The following ADGB variants were observed in gnomAD, a reference collection of about 807,000 sequenced individuals.
ADGB encodes calpain-7-like protein.
A neutral mutation model predicts 210.5 loss-of-function variants in ADGB; 172 were observed. The observed-to-expected ratio is 0.82, with a 90% CI of 0.72 to 0.93. The LOEUF is 0.93. ADGB is among the 40% of genes least tolerant of loss of function. ADGB has a pLI of 0.00. For synonymous variants in ADGB, 658 were observed against 662.7 expected (o/e 0.99, Z 0.11); for missense variants, 2,025 against 1,964.8 (o/e 1.03, Z -0.58).
At chr6:146,746,901 C>T (rs912182876) in intron 26 of ADGB, among the ~76,000 whole-genome samples, 5 of 152,032 alleles carry the variant, frequency 3.3e-5, no homozygotes, top group African/African-American at 1.2e-4. Context: ...TTCCTCTTGT[C>T]CCATGTGTCC....
intron 27 of ADGB, among the ~76,000 whole-genome samples, chr6:146,756,701 AC>A (rs1777410705): frequency 6.6e-6 from 1 of 151,372 alleles, no homozygotes; most frequent in Admixed American, 6.6e-5. Context: ...AAATAGTACT[AC>A]CCACTCGACA....
In ADGB at chr6:146,770,607, C is replaced by A. The variant is rs1173670835; in HGVS notation, c.3862+1476C>A. The A allele has an allele frequency of 8.5e-6, 4 of 469,960 alleles. No individual in the cohort carries two copies. The Admixed American group carries it at 9.4e-5, about 11-fold the overall frequency. 29.1% of individuals were successfully genotyped at this position (469,960 alleles called of 1,614,324 possible). The stretch of plus-strand genomic sequence containing the variant: ...CATGAACATGCCACACCAGTGACCT[C>A]AGGTATGTGTAAATCCTAATGGCAT... On this transcript the variant is annotated intron_variant, in intron 29 of 35. Transcript: ENST00000397944.
intron 5 of ADGB, among the ~76,000 whole-genome samples, chr6:146,663,664 A>G (rs1420876479): frequency 6.6e-6 from 1 of 151,942 alleles, no homozygotes; most frequent in Admixed American, 6.6e-5. Flanking sequence ...ATGTTCAGTA[A>G]TCATACAGTA....
intron 35 of ADGB, among the ~76,000 whole-genome samples, chr6:146,812,979 C>T (rs1450407536): frequency 6.6e-6 from 1 of 152,146 alleles, no homozygotes; most frequent in Non-Finnish European, 1.5e-5. Flanking sequence ...CTTATCTTTC[C>T]CTTTGGCGTA....
chr6:146,666,641 T>C (rs1454057246), intron 6 of ADGB, among the ~76,000 whole-genome samples, 175 bp from the exon 7 acceptor site: 1 of 152,044 alleles, frequency 6.6e-6, no homozygotes, highest in Admixed American at 6.6e-5. Flanking sequence ...AATTATATTA[T>C]AAATCCTACT....
intron 1 of ADGB, among the ~76,000 whole-genome samples, chr6:146,599,501 T>A (rs965246059): frequency 6.6e-6 from 1 of 152,090 alleles, no homozygotes; most frequent in Non-Finnish European, 1.5e-5. Flanking sequence ...AGACAGCGAG[T>A]GACAGACAGA....
intron 19 of ADGB, among the ~76,000 whole-genome samples, 193 bp from the exon 20 acceptor site, chr6:146,728,381 A>T (rs892904714): frequency 1.3e-5 from 2 of 152,310 alleles, no homozygotes; most frequent in Non-Finnish European, 1.5e-5. Flanking sequence ...ACAGGTTCCC[A>T]CTCAGGTAAG....
At chr6:146,645,148 G>C (rs889206601) in intron 3 of ADGB, among the ~76,000 whole-genome samples, 2 of 151,984 alleles carry the variant, frequency 1.3e-5, no homozygotes, top group Admixed American at 1.3e-4. Context: ...GTATGAAGTT[G>C]TTCCTTAATT....
chr6:146,687,431 T>C (rs563788350), intron 10 of ADGB, among the ~76,000 whole-genome samples: 5 of 152,168 alleles, frequency 3.3e-5, no homozygotes, highest in South Asian at 4.1e-4. Flanking sequence ...AAAGAAAATA[T>C]GGTACATATG....
chr6:146,717,469 A>G, intron 15 of ADGB, 67 bp from the exon 16 acceptor site: 1 of 846,892 alleles, frequency 1.2e-6, no homozygotes, highest in South Asian at 1.9e-5. Flanking sequence ...GATTATAAGA[A>G]ACTTAACATG....
chr6:146,664,475 G>C (rs1775911895), intron 6 of ADGB, 135 bp downstream of exon 6: 1 of 903,342 alleles, frequency 1.1e-6, no homozygotes, highest in Non-Finnish European at 1.5e-6. Flanking sequence ...TAATGCTCTA[G>C]TATAAAATCA....
chr6:146,686,145 T>C (rs972842734), intron 10 of ADGB, among the ~76,000 whole-genome samples: 2 of 152,036 alleles, frequency 1.3e-5, no homozygotes, highest in African/African-American at 4.8e-5. Context: ...TCAGTGAAAA[T>C]CATAGAAATT....
chr6:146,736,713 C>T (rs1470509647), intron 23 of ADGB, 122 bp downstream of exon 23: 13 of 522,032 alleles, frequency 2.5e-5, no homozygotes, highest in Middle Eastern at 2.8e-4. Context: ...ACCATTACTT[C>T]GGACCTTCCA....
chr6:146,691,105 C>A lies in ADGB; in HGVS notation c.1312-11C>A. Reference sequence around the variant, plus strand: ...AGGAGAATGCTTTTCAATTTACTTTCCATCTTCTAGGCAGATTCTGCTGAG... The same window carrying A: ...AGGAGAATGCTTTTCAATTTACTTTACATCTTCTAGGCAGATTCTGCTGAG... On this transcript the variant is annotated splice_polypyrimidine_tract_variant and intron_variant, in intron 10 of 35. Coordinates refer to ENST00000397944, the MANE Select transcript of ADGB (RefSeq NM_024694.4). 1 of 1,504,212 alleles carries A rather than the reference C, an allele frequency of 6.6e-7. No individual in the cohort carries two copies. 93.2% of individuals were successfully genotyped at this position (1,504,212 alleles called of 1,614,324 possible).
At chr6:146,641,446 T>A (rs1268222681) in intron 2 of ADGB, among the ~76,000 whole-genome samples, 2 of 148,446 alleles carry the variant, frequency 1.3e-5, no homozygotes, top group East Asian at 2.0e-4. Flanking sequence ...GCCAAGGCAA[T>A]CCCACGGGAA....
chr6:146,605,675 C>A (rs1402270958), intron 1 of ADGB, among the ~76,000 whole-genome samples: 1 of 152,136 alleles, frequency 6.6e-6, no homozygotes, highest in African/African-American at 2.4e-5. Context: ...TCATCTGCAG[C>A]ACCCGGGACA....
intron 1 of ADGB, among the ~76,000 whole-genome samples, chr6:146,631,777 G>A (rs887450255): frequency 6.6e-6 from 1 of 151,942 alleles, no homozygotes; most frequent in Non-Finnish European, 1.5e-5. Flanking sequence ...TAAAAATGAA[G>A]CAATATGAAA....
At chr6:146,791,241 C>T (rs1403062278) in intron 33 of ADGB, among the ~76,000 whole-genome samples, 1 of 152,180 alleles carries the variant, frequency 6.6e-6, no homozygotes, top group Non-Finnish European at 1.5e-5. Flanking sequence ...CTCTTAGGAT[C>T]ATATTCAAAG....
intron 33 of ADGB, among the ~76,000 whole-genome samples, chr6:146,796,980 A>C (rs920297112): frequency 6.6e-6 from 1 of 152,208 alleles, no homozygotes; most frequent in Non-Finnish European, 1.5e-5. Flanking sequence ...GTCTACAAGG[A>C]ACTCAAACAA....
Sources: allele counts gnomAD v4.1 joint callset (sites outside exome capture counted in the v4.1 genomes callset), GRCh38; gene constraint gnomAD v4.1.1; transcripts MANE v1.5; gene names NCBI Gene and HGNC (gene_info 2026-07-23, HGNC 2026-07-21).